Variants in BST1 observed in about 807,000 individuals in gnomAD.
The protein encoded by BST1 is ADP-ribosyl cyclase/cyclic ADP-ribose hydrolase 2.
A neutral mutation model predicts 40.6 loss-of-function variants in BST1; 49 were observed. The observed-to-expected ratio is 1.21, with a 90% CI of 0.96 to 1.53. The LOEUF (loss-of-function observed/expected upper bound fraction) is 1.53, where lower values mean the gene tolerates loss of function less well. Among genes scored for constraint, BST1 ranks in the 40% most tolerant of loss-of-function variants. The pLI, the probability that BST1 is intolerant of heterozygous loss-of-function variation, is 0.00. For missense variants in BST1, 423 were observed against 395.9 expected, an observed-to-expected ratio of 1.07 and a Z score of -0.58; for synonymous variants, 157 against 159.3, an observed-to-expected ratio of 0.99 and a Z score of 0.11.
At chr4:15,757,164 C>A in the BST1 span, among the ~76,000 whole-genome samples, 4 of 152,158 alleles carry the variant, frequency 2.6e-5, no homozygotes, top group Non-Finnish European at 4.4e-5. Context: ...CCCTCAGAAG[C>A]CCCAAGCTCC....
downstream of BST1, among the ~76,000 whole-genome samples, chr4:15,733,784 G>A (rs868753070): frequency 5.3e-5 from 8 of 152,270 alleles, no homozygotes; most frequent in Middle Eastern, 3.4e-3. Flanking sequence ...AACCACCTCC[G>A]TGATCCAATC....
chr4:15,705,761 C>T (rs1172002117), intron 2 of BST1, 120 bp downstream of exon 2: 6 of 1,334,914 alleles, frequency 4.5e-6, no homozygotes, highest in African/African-American at 2.9e-5. Context: ...AAACATCAGG[C>T]AGCACACATA....
intron 8 of BST1, chr4:15,723,387 C>A: frequency 5.4e-6 from 1 of 183,866 alleles, no homozygotes; most frequent in Non-Finnish European, 1.0e-5. Context: ...GCTGGGACTA[C>A]AGGGGCCTGC....
At chr4:15,714,515 A>T (rs1239459180) in intron 4 of BST1, among the ~76,000 whole-genome samples, 1 of 152,230 alleles carries the variant, frequency 6.6e-6, no homozygotes, top group Non-Finnish European at 1.5e-5. Context: ...AATACTTTGT[A>T]TACAGACTTT....
chr4:15,756,728 G>A, the BST1 span, among the ~76,000 whole-genome samples: 3 of 152,132 alleles, frequency 2.0e-5, no homozygotes, highest in Non-Finnish European at 4.4e-5. Context: ...TAGCGGCCTC[G>A]GAGGGTGAGG....
chr4:15,757,282 A>G, the BST1 span, among the ~76,000 whole-genome samples: 1 of 152,174 alleles, frequency 6.6e-6, no homozygotes, highest in Non-Finnish European at 1.5e-5. Context: ...GTAGTTAAAC[A>G]TAGCTTTTTT....
downstream of BST1, among the ~76,000 whole-genome samples, chr4:15,739,321 G>T (rs768824627): frequency 6.6e-6 from 1 of 152,128 alleles, no homozygotes; most frequent in Admixed American, 6.5e-5. Context: ...AATATGAAAC[G>T]TATATGTATT....
chr4:15,712,541 AG>A (rs1211459244), intron 4 of BST1, among the ~76,000 whole-genome samples: 1 of 152,228 alleles, frequency 6.6e-6, no homozygotes, highest in Non-Finnish European at 1.5e-5. Flanking sequence ...AACATTAGCT[AG>A]GTTGACCAGG....
At chr4:15,734,773 G>T (rs1008943850), downstream of BST1, among the ~76,000 whole-genome samples, 3 of 152,142 alleles carry the variant, frequency 2.0e-5, no homozygotes, top group Non-Finnish European at 4.4e-5. Flanking sequence ...AGATGAGAGG[G>T]TCAATTTTCA....
In BST1 at chr4:15,731,739, G is replaced by C. The variant is rs1721384535; in HGVS notation, c.852-1G>C. 1 of 1,610,886 alleles carries C rather than the reference G, an allele frequency of 6.2e-7. No homozygotes were observed. The highest frequency in any genetic ancestry group is 8.5e-7 in the Non-Finnish European group (1 of 1,178,530). On this transcript the variant is annotated splice_acceptor_variant, in intron 8 of 8. Coordinates refer to ENST00000265016, the MANE Select transcript of BST1 (RefSeq NM_004334.3). LOFTEE classifies it high-confidence loss of function. ...TTCTCTATTTCCTTGTTAATTTGCA[G>C]GGCAGCAGCCGCTACTCAAAGAAAA...
chr4:15,762,650 A>G, the BST1 span, among the ~76,000 whole-genome samples: 1 of 149,450 alleles, frequency 6.7e-6, no homozygotes, highest in Non-Finnish European at 1.5e-5. Context: ...AGTTTGGTTT[A>G]TATTAGATTA....
chr4:15,736,163 T>G (rs1040814248), downstream of BST1: 1 of 1,264,352 alleles, frequency 7.9e-7, no homozygotes, highest in African/African-American at 1.5e-5. Context: ...TATCATTGCC[T>G]CCTGACTGAT....
the BST1 span, among the ~76,000 whole-genome samples, chr4:15,769,610 TG>T: frequency 6.6e-6 from 1 of 152,150 alleles, no homozygotes; most frequent in Non-Finnish European, 1.5e-5. Context: ...AGAGGACATA[TG>T]GCCTGGAAGG....
chr4:15,729,964 T>C (rs1413864267), intron 8 of BST1, among the ~76,000 whole-genome samples: 1 of 152,240 alleles, frequency 6.6e-6, no homozygotes, highest in Non-Finnish European at 1.5e-5. Context: ...TAATTATGTG[T>C]TATTTTATTT....
chr4:15,750,963 C>G, the BST1 span, among the ~76,000 whole-genome samples: 2 of 152,120 alleles, frequency 1.3e-5, no homozygotes, highest in Admixed American at 6.6e-5. Flanking sequence ...ATGGTAGGTT[C>G]TGGAAATACA....
At chr4:15,739,553 CCGTG>C (rs1471406070), downstream of BST1, among the ~76,000 whole-genome samples, 2 of 83,392 alleles carry the variant, frequency 2.4e-5, no homozygotes, top group Non-Finnish European at 5.3e-5. Flanking sequence ...AGAAGCCAAA[CCGTG>C]TGTGTGTGTG....
chr4:15,718,027 T>G (rs1720601563), intron 6 of BST1, among the ~76,000 whole-genome samples: 1 of 152,220 alleles, frequency 6.6e-6, no homozygotes, highest in South Asian at 2.1e-4. Flanking sequence ...AAGGTAGACT[T>G]ATAGCTTATC....
At chr4:15,768,463 G>A in the BST1 span, among the ~76,000 whole-genome samples, 8 of 150,138 alleles carry the variant, frequency 5.3e-5, no homozygotes, top group African/African-American at 1.5e-4. Flanking sequence ...AATACCATGA[G>A]TGTTGATGGA....
At chr4:15,725,053 C>T (rs1169916654) in intron 8 of BST1, among the ~76,000 whole-genome samples, 1 of 152,164 alleles carries the variant, frequency 6.6e-6, no homozygotes, top group Non-Finnish European at 1.5e-5. Context: ...ACTCTACCAG[C>T]CCTGAAGAGT....
Sources: allele counts gnomAD v4.1 joint callset (sites outside exome capture counted in the v4.1 genomes callset), GRCh38; gene constraint gnomAD v4.1.1; transcripts MANE v1.5; gene names NCBI Gene and HGNC (gene_info 2026-07-23, HGNC 2026-07-21).